Variants in LRRC43 observed in about 807,000 individuals in gnomAD.
The protein encoded by LRRC43 is leucine rich repeat containing 43.
LRRC43 carries 62 observed loss-of-function variants against 64.3 expected under a neutral mutation model. The ratio of observed to expected loss-of-function variants is 0.96; its 90% confidence interval spans 0.79 to 1.19. The LOEUF is 1.19. LRRC43 is among the 50% of genes most tolerant of loss of function. The probability of loss-of-function intolerance (pLI) is 0.00; values close to 1 mark genes in which losing one functional copy is unlikely to be tolerated. For missense variants in LRRC43, 868 were observed against 845.0 expected, an observed-to-expected ratio of 1.03 and a Z score of -0.34; for synonymous variants, 422 against 382.3, an observed-to-expected ratio of 1.10 and a Z score of -1.21.
chr12:122,195,019 C>A (rs1189621230), intron 7 of LRRC43, among the ~76,000 whole-genome samples: 2 of 151,932 alleles, frequency 1.3e-5, no homozygotes, highest in East Asian at 3.9e-4. Flanking sequence ...TTTGAATTAC[C>A]CTCTGGTGTT....
chr12:122,200,078 TG>T lies in LRRC43; in HGVS notation c.1350-108del. 1 of 1,206,392 alleles carries T rather than the reference TG, an allele frequency of 8.3e-7. No homozygotes were observed. The highest frequency in any genetic ancestry group is 1.2e-6 in the Non-Finnish European group (1 of 852,720). 74.7% of individuals were successfully genotyped at this position (1,206,392 alleles called of 1,614,324 possible). ...CGGACCTCACGTCTCATGCTGTTTG[TG>T]GGCTTCGATGCTCGTGGTCTCCTCG... On this transcript the variant is annotated intron_variant, in intron 7 of 11. Transcript: ENST00000339777. This position sits in a 1 kb window ranked among gnomAD's most constrained non-coding sequence, Gnocchi z 4.6.
rs781206563 is a variant in LRRC43, at chr12:122,203,469, G to C, written c.*27G>C. 1.3e-6 allele frequency: 2 copies of C among 1,582,846 alleles called. No individual in the cohort carries two copies. The highest frequency in any genetic ancestry group is 2.7e-5 in the African/African-American group (2 of 74,264). ...GCGTGGGCAGTAAAGGCTGTTCCCAGCACTCCCGCCTCCGCTTCTGTCCCG... is the reference window on the plus strand; with the variant it reads ...GCGTGGGCAGTAAAGGCTGTTCCCACCACTCCCGCCTCCGCTTCTGTCCCG... On this transcript the variant is annotated 3_prime_UTR_variant, in exon 12 of 12. Transcript: ENST00000339777.
At chr12:122,178,052 G>A (rs942394533) in intron 1 of LRRC43, among the ~76,000 whole-genome samples, 1 of 151,592 alleles carries the variant, frequency 6.6e-6, no homozygotes, top group African/African-American at 2.4e-5. Context: ...TGTCCAGGCT[G>A]GTCTTGAACT....
chr12:122,198,393 G>T (rs1056919303), intron 7 of LRRC43, among the ~76,000 whole-genome samples: 1 of 151,994 alleles, frequency 6.6e-6, no homozygotes, highest in African/African-American at 2.4e-5. Context: ...ATTCCAGAAC[G>T]TTTCCATCAC....
At position 122,184,584 on chromosome 12, in the gene LRRC43, TGTG is replaced by T. The variant is rs749526407; in HGVS notation, c.220_222del (p.Val74del). The stretch of plus-strand genomic sequence containing the variant: ...GGGAGCTTGTCCCCAGAGAGGAGGA[TGTG>T]GTGAGCCCCGGAGAGGAGACGGTGG... On this transcript the variant is annotated inframe_deletion, in exon 2 of 12. Transcript: ENST00000339777. The surrounding 1 kb of genome is among the most constrained non-coding windows in gnomAD (Gnocchi z 4.0). 1 of 1,613,820 alleles carries T rather than the reference TGTG, an allele frequency of 6.2e-7. No individual in the cohort carries two copies. The highest frequency in any genetic ancestry group is 8.5e-7 in the Non-Finnish European group (1 of 1,179,842).
At chr12:122,194,219 TTTTTTAAGC>T (rs1410580892) in intron 7 of LRRC43, among the ~76,000 whole-genome samples, 1 of 152,100 alleles carries the variant, frequency 6.6e-6, no homozygotes, top group Non-Finnish European at 1.5e-5. Flanking sequence ...AGTTGTTTTT[TTTTTTAAGC>T]TTGTTAACCT....
upstream of LRRC43, among the ~76,000 whole-genome samples, chr12:122,178,660 C>T (rs189393052): frequency 4.9e-4 from 65 of 132,864 alleles, no homozygotes; most frequent in East Asian, 6.3e-3. Flanking sequence ...GGCATGATCT[C>T]GGCTCACCAC....
At chr12:122,182,819 T>A (rs531751167), upstream of LRRC43, among the ~76,000 whole-genome samples, 3 of 152,314 alleles carry the variant, frequency 2.0e-5, no homozygotes, top group East Asian at 5.8e-4. Flanking sequence ...ACTGGCTGGT[T>A]GGAGTCGAGA....
At chr12:122,172,815 T>A in intron 1 of LRRC43, 1 of 1,206,144 alleles carries the variant, frequency 8.3e-7, no homozygotes, top group Non-Finnish European at 1.2e-6. Context: ...AATGTTTGCA[T>A]GCTTCCTCCG....
At chr12:122,182,938 T>C, upstream of LRRC43, 1 of 730,766 alleles carries the variant, frequency 1.4e-6, no homozygotes, top group Non-Finnish European at 2.1e-6. Context: ...GCTATGGCGC[T>C]TACTGCCTGC....
At chr12:122,174,763 C>T (rs1044440584) in intron 1 of LRRC43, among the ~76,000 whole-genome samples, 1 of 152,086 alleles carries the variant, frequency 6.6e-6, no homozygotes, top group Admixed American at 6.6e-5. Flanking sequence ...GACTCTCCAT[C>T]GTGCCTCTGC....
rs777320283 is a variant in LRRC43, at chr12:122,184,563, G to C, written c.195G>C (p.Glu65Asp). 1.2e-6 allele frequency: 2 copies of C among 1,613,762 alleles called. No individual in the cohort carries two copies. The highest frequency in any genetic ancestry group is 8.5e-7 in the Non-Finnish European group (1 of 1,179,854). The change falls in exon 2 of 12, where the codon GAG becomes GAC. Residue 65 changes from glutamate to aspartate, a missense_variant. Coordinates refer to ENST00000339777, the MANE Select transcript of LRRC43 (RefSeq NM_001098519.2). The surrounding 1 kb of genome is among the most constrained non-coding windows in gnomAD (Gnocchi z 4.0). ...CTCAAACTTGGCGAACTTGGAGGGA[G>C]CTTGTCCCCAGAGAGGAGGATGTGG... ...FLPQTWRTWRELVPREEDVVS... is the reference protein window; with the variant it reads ...FLPQTWRTWRDLVPREEDVVS...
Position 122,200,469 on chromosome 12 carries a change from A to C in LRRC43, c.1492-63A>C. ...AGCGCCATTCCAGAAAGGGTGAGGG[A>C]GAGGTGACCCCAGGCAGCCCGCCTG... On this transcript the variant is annotated intron_variant, in intron 8 of 11. Coordinates refer to ENST00000339777, the MANE Select transcript of LRRC43 (RefSeq NM_001098519.2). The surrounding 1 kb of genome is among the most constrained non-coding windows in gnomAD (Gnocchi z 4.6). 6.2e-7 allele frequency: 1 copy of C among 1,611,776 alleles called. No individual in the cohort carries two copies. Among genetic ancestry groups the C allele is most frequent in the Non-Finnish European group, 8.5e-7 (1 of 1,178,254 alleles).
chr12:122,176,729 A>G (rs769756535), intron 1 of LRRC43, among the ~76,000 whole-genome samples: 1 of 151,594 alleles, frequency 6.6e-6, no homozygotes, highest in Non-Finnish European at 1.5e-5. Context: ...ATCTCAGCTC[A>G]CTGCAACCTC....
At chr12:122,201,193 C>T in intron 10 of LRRC43, 103 bp from the exon 11 acceptor site, 1 of 1,236,058 alleles carries the variant, frequency 8.1e-7, no homozygotes, top group East Asian at 2.3e-5. Context: ...CCCCGCCTTC[C>T]TGGACCTGTC....
chr12:122,176,333 A>G (rs1953536729), intron 1 of LRRC43, among the ~76,000 whole-genome samples: 1 of 152,156 alleles, frequency 6.6e-6, no homozygotes, highest in Admixed American at 6.6e-5. Flanking sequence ...GAAGAGGGTC[A>G]TGGCAGCCAC....
In LRRC43 at chr12:122,192,863, A is replaced by C; in HGVS notation, c.1208A>C (p.Glu403Ala). The C allele has an allele frequency of 2.5e-6, 4 of 1,614,094 alleles. No individual in the cohort carries two copies. Among genetic ancestry groups the C allele is most frequent in the Non-Finnish European group, 2.5e-6 (3 of 1,180,018 alleles). Residue 403 changes from glutamate to alanine, a missense_variant, in exon 7 of 12, where the codon GAG becomes GCG. Transcript: ENST00000339777. The stretch of plus-strand genomic sequence containing the variant: ...ACTGAAGAGGTCGAAGGGTCTCTGG[A>C]GTCTGAGGTGGAGGAGTCAGGAGAG... ...EVTEEVEGSL[E>A]SEVEESGESE... is the part of the protein sequence containing the mutation.
intron 1 of LRRC43, chr12:122,172,382 T>G: frequency 6.5e-7 from 1 of 1,529,738 alleles, no homozygotes; most frequent in Non-Finnish European, 9.0e-7. Flanking sequence ...GCTCCTTAAG[T>G]TCCTGCCAAT....
At chr12:122,183,415 C>T in intron 1 of LRRC43, 121 bp downstream of exon 1, 1 of 1,157,132 alleles carries the variant, frequency 8.6e-7, no homozygotes, top group Non-Finnish European at 1.1e-6. Context: ...GGGCCGCCGA[C>T]ATGGGGGCGG....
Sources: gnomAD v4.1 joint callset for allele counts (sites outside exome capture counted in the v4.1 genomes callset) on GRCh38, gnomAD v4.1.1 for gene constraint, Gnocchi (gnomAD v3.1) non-coding constraint, MANE v1.5 for transcripts, NCBI Gene and HGNC (gene_info 2026-07-23, HGNC 2026-07-21) for gene names.